The following RIMS2 variants were observed in gnomAD, a reference collection of about 807,000 sequenced individuals.
RIMS2 encodes the protein regulating synaptic membrane exocytosis 2, also known as regulating synaptic membrane exocytosis protein 2.
In RIMS2, 59 loss-of-function variants were observed where a neutral mutation model predicts 174.4. The ratio of observed to expected loss-of-function variants is 0.34; its 90% CI spans 0.27 to 0.42. The LOEUF is 0.42. Ranked by LOEUF, RIMS2 falls within the 10% of genes least tolerant of loss-of-function variation. The pLI is 1.00. For synonymous variants in RIMS2, 606 were observed against 572.5 expected (o/e 1.06, Z -0.84); for missense variants, 1,620 against 1,666.3 (o/e 0.97, Z 0.48).
At chr8:104,010,171 G>C (rs2095712351) in intron 17 of RIMS2, among the ~76,000 whole-genome samples, 1 of 151,978 alleles carries the variant, frequency 6.6e-6, no homozygotes, top group African/African-American at 2.4e-5. Flanking sequence ...GAAACCTAAA[G>C]TACATCGCAA....
At chr8:103,643,300 G>T (rs1041347754) in intron 1 of RIMS2, among the ~76,000 whole-genome samples, 1 of 151,816 alleles carries the variant, frequency 6.6e-6, no homozygotes, top group Non-Finnish European at 1.5e-5. Context: ...CATAGTACCG[G>T]TGTATTCTTG....
chr8:103,744,628 C>T (rs2097790935), intron 2 of RIMS2, among the ~76,000 whole-genome samples: 1 of 152,128 alleles, frequency 6.6e-6, no homozygotes, highest in African/African-American at 2.4e-5. Flanking sequence ...CAAATGGTTC[C>T]TGAACATAAC....
intron 19 of RIMS2, among the ~76,000 whole-genome samples, chr8:104,161,378 G>A (rs1237692049): frequency 6.6e-6 from 1 of 152,066 alleles, no homozygotes; most frequent in Non-Finnish European, 1.5e-5. Context: ...TGAGCAGACA[G>A]AGAGTATTTG....
At chr8:103,799,702 A>G (rs1171576102) in intron 3 of RIMS2, among the ~76,000 whole-genome samples, 2 of 152,140 alleles carry the variant, frequency 1.3e-5, no homozygotes, top group Non-Finnish European at 2.9e-5. Context: ...CATTACATTG[A>G]AGCTGAGGAT....
intron 3 of RIMS2, among the ~76,000 whole-genome samples, chr8:103,867,845 G>A (rs543980425): frequency 6.6e-6 from 1 of 152,096 alleles, no homozygotes; most frequent in Admixed American, 6.5e-5. Context: ...AAGGTCAGAG[G>A]TACCTGCTAT....
chr8:103,601,475 A>C (rs1400726922), intron 1 of RIMS2, among the ~76,000 whole-genome samples: 1 of 147,574 alleles, frequency 6.8e-6, no homozygotes, highest in Non-Finnish European at 1.5e-5. Context: ...GTCTGATATA[A>C]ATATAGTGAC....
intron 2 of RIMS2, among the ~76,000 whole-genome samples, chr8:103,719,925 T>G (rs532680537): frequency 6.6e-6 from 1 of 152,324 alleles, no homozygotes; most frequent in South Asian, 2.1e-4. Context: ...GGGTATTAAA[T>G]TATTCCTTTC....
intron 19 of RIMS2, among the ~76,000 whole-genome samples, chr8:104,231,044 A>G (rs1025928707): frequency 6.6e-6 from 1 of 152,230 alleles, no homozygotes; most frequent in African/African-American, 2.4e-5. Flanking sequence ...AAAGACCAAT[A>G]TTTTGCAACT....
intron 19 of RIMS2, among the ~76,000 whole-genome samples, chr8:104,217,610 G>A (rs1444049044): frequency 1.3e-5 from 2 of 151,998 alleles, no homozygotes; most frequent in African/African-American, 2.4e-5. Flanking sequence ...TGAAAGTTTC[G>A]GGTCGACCAG....
intron 3 of RIMS2, among the ~76,000 whole-genome samples, chr8:103,820,610 G>C (rs866176998): frequency 3.3e-5 from 5 of 151,698 alleles, no homozygotes; most frequent in Non-Finnish European, 7.4e-5. Flanking sequence ...TGAAAAAAAG[G>C]CTTTTAAAAT....
At chr8:103,750,080 A>G (rs2097865883) in intron 2 of RIMS2, among the ~76,000 whole-genome samples, 1 of 152,104 alleles carries the variant, frequency 6.6e-6, no homozygotes, top group Admixed American at 6.5e-5. Flanking sequence ...TTCTGCAGTT[A>G]TTAAGTTTTC....
At chr8:103,845,891 AG>A (rs2098965363) in intron 3 of RIMS2, among the ~76,000 whole-genome samples, 2 of 152,152 alleles carry the variant, frequency 1.3e-5, no homozygotes, top group Admixed American at 1.3e-4. Flanking sequence ...ACTGCTTTAT[AG>A]GCACTGAGGA....
chr8:103,878,201 T>C (rs964252963), intron 3 of RIMS2, among the ~76,000 whole-genome samples: 2 of 151,928 alleles, frequency 1.3e-5, no homozygotes, highest in African/African-American at 4.8e-5. Context: ...TCTGCTGTGA[T>C]TGTAAGTTTC....
chr8:103,903,488 G>T (rs960997022), intron 4 of RIMS2, among the ~76,000 whole-genome samples: 1 of 152,014 alleles, frequency 6.6e-6, no homozygotes, highest in Admixed American at 6.6e-5. Context: ...ACAAAATGTT[G>T]TAAATAGAAT....
intron 1 of RIMS2, among the ~76,000 whole-genome samples, chr8:103,524,494 A>C (rs907909740): frequency 2.0e-5 from 3 of 152,338 alleles, no homozygotes. Flanking sequence ...CTGGAGAAGC[A>C]GAAAATGGAC....
In RIMS2 at chr8:104,082,521, G is replaced by GC. The variant is rs533576610; in HGVS notation, c.3334+67907dup. On this transcript the variant is annotated intron_variant, in intron 19 of 23. Coordinates refer to ENST00000504942, the Ensembl canonical transcript of RIMS2. ...TAAACAAAGTTATGGCGTTACATGA[G>GC]CACAAGCCATGTTTAAGAAACAGCT... Among the ~76,000 whole-genome samples the GC allele has an allele frequency of 2.4e-4, 37 of 152,204 alleles. No individual in the cohort carries two copies. In the South Asian group the frequency reaches 3.9e-3, roughly 16 times the overall value.
In RIMS2 at chr8:104,123,705, T is replaced by A. The variant is rs536266608; in HGVS notation, c.3334+109090T>A. On this transcript the variant is annotated intron_variant, in intron 19 of 23. Coordinates refer to ENST00000504942, the Ensembl canonical transcript of RIMS2. Reference sequence around the variant, plus strand: ...TAGTATTTTTAAACCAATTTAAACATATAGGCCCGATAATGCTTTAAATTA... The same window carrying A: ...TAGTATTTTTAAACCAATTTAAACAAATAGGCCCGATAATGCTTTAAATTA... Among the ~76,000 whole-genome samples, 26 of 151,922 alleles carry A rather than the reference T, an allele frequency of 1.7e-4. No homozygotes were observed. In the South Asian group the frequency reaches 5.0e-3, roughly 29 times the overall value.
intron 19 of RIMS2, among the ~76,000 whole-genome samples, chr8:104,071,599 C>T (rs2097196315): frequency 1.3e-5 from 2 of 152,082 alleles, no homozygotes; most frequent in African/African-American, 2.4e-5. Flanking sequence ...CATGCCCAGC[C>T]AATTTTTTAT....
At chr8:103,635,373 C>A (rs1295056771) in intron 1 of RIMS2, among the ~76,000 whole-genome samples, 1 of 152,224 alleles carries the variant, frequency 6.6e-6, no homozygotes, top group Non-Finnish European at 1.5e-5. Context: ...ATCCATAGCT[C>A]TGGTGGGGTG....
Sources: gnomAD v4.1 joint callset for allele counts (sites outside exome capture counted in the v4.1 genomes callset) on GRCh38, gnomAD v4.1.1 for gene constraint, MANE v1.5 for transcripts, NCBI Gene and HGNC (gene_info 2026-07-23, HGNC 2026-07-21) for gene names.